GGT7: variants seen among roughly 807,000 people sequenced by gnomAD.
The protein encoded by GGT7 is gamma-glutamyltransferase 7.
In GGT7, 30 loss-of-function variants were observed where a neutral mutation model predicts 69.2. That is an observed-to-expected ratio of 0.43 (90% CI 0.32 to 0.59). The LOEUF (loss-of-function observed/expected upper bound fraction) is 0.59. GGT7 is among the 20% of genes least tolerant of loss of function. The pLI is 0.05. For missense variants in GGT7, 733 were observed against 901.1 expected, an observed-to-expected ratio of 0.81 and a Z score of 2.39; for synonymous variants, 388 against 391.8, an observed-to-expected ratio of 0.99 and a Z score of 0.12.
intron 1 of GGT7, among the ~76,000 whole-genome samples, chr20:34,869,712 A>T (rs1324444776): frequency 1.3e-5 from 2 of 152,180 alleles, no homozygotes; most frequent in Non-Finnish European, 2.9e-5. Context: ...TGAGAAGAAA[A>T]GGAGGAGTCC....
At chr20:34,862,785 G>C (rs754571446) in intron 3 of GGT7, 29 bp downstream of exon 3, 1 of 1,612,496 alleles carries the variant, frequency 6.2e-7, no homozygotes, top group Admixed American at 1.7e-5. Context: ...AAGTAGGCCT[G>C]GGGGACCCCG....
Position 34,860,271 on chromosome 20 carries a change from A to G in GGT7, c.726T>C (p.Ala242=), listed in dbSNP as rs746719350. ...VPGMVKGLHE[A]HQLYGRLPWS... is the part of the protein sequence containing the mutation. The stretch of plus-strand genomic sequence containing the variant: ...GTTGTTACCTGCCATAGAGCTGGTG[A>G]GCTTCATGTAGCCCCTTCACCATTC... Residue 242 remains alanine (A), a synonymous_variant, in exon 5 of 15, where the codon GCT becomes GCC. Transcript: ENST00000336431. The G allele has an allele frequency of 1.9e-6, 3 of 1,613,660 alleles. No individual in the cohort carries two copies. The highest frequency in any genetic ancestry group is 1.7e-6 in the Non-Finnish European group (2 of 1,179,666).
chr20:34,872,694 A>G lies in GGT7; in HGVS notation c.122T>C (p.Leu41Pro). Reference sequence around the variant, plus strand: ...GGCGTCCTCGTCCTTGCGGCCCCTCAGCGGGGCCGCGGGCGCCGGCTCGTC... The same window carrying G: ...GGCGTCCTCGTCCTTGCGGCCCCTCGGCGGGGCCGCGGGCGCCGGCTCGTC... ...PEDEPAPAAPLRGRKDEDAFL... is the reference protein window; with the variant it reads ...PEDEPAPAAPPRGRKDEDAFL... The change falls in exon 1 of 15, where the codon CTG (leucine) becomes CCG (proline). Residue 41 changes from leucine to proline, a missense_variant. Transcript: ENST00000336431. The G allele has an allele frequency of 6.7e-7, 1 of 1,482,176 alleles. No homozygotes were observed. Among genetic ancestry groups the G allele is most frequent in the South Asian group, 1.3e-5 (1 of 74,600 alleles). The allele number at this position is 1,482,176 out of a possible 1,614,324, so 91.8% of individuals were successfully genotyped here.
chr20:34,864,417 G>A (rs2079655249), intron 1 of GGT7, among the ~76,000 whole-genome samples: 2 of 152,002 alleles, frequency 1.3e-5, no homozygotes, highest in African/African-American at 4.8e-5. Flanking sequence ...GAGTAGTAAG[G>A]GTGGAAGCTA....
Position 34,845,413 on chromosome 20 carries a change from A to T in GGT7, c.1904T>A (p.Val635Asp), listed in dbSNP as rs1371190273. 2 of 1,614,104 alleles carry T rather than the reference A, an allele frequency of 1.2e-6. No homozygotes were observed. Reference sequence around the variant, plus strand: ...GTTGTTGGTCCTTCGGCTGCCATGGACCCAGGATAAGACATCTACTTTCTC... The same window carrying T: ...GTTGTTGGTCCTTCGGCTGCCATGGTCCCAGGATAAGACATCTACTTTCTC... ...HVEKVDVLSWVHGSRRTNNFI... is the reference protein window; with the variant it reads ...HVEKVDVLSWDHGSRRTNNFI... The change falls in exon 15 of 15, where the codon GTC becomes GAC. Residue 635 changes from valine to aspartate, a missense_variant. By Grantham distance (152) the Val-to-Asp change is radical. Coordinates refer to ENST00000336431, the MANE Select transcript of GGT7 (RefSeq NM_178026.3).
intron 4 of GGT7, 64 bp from the exon 5 acceptor site, chr20:34,860,385 GAACTC>G: frequency 8.2e-7 from 1 of 1,215,434 alleles, no homozygotes; most frequent in Non-Finnish European, 1.2e-6. Flanking sequence ...GTGCTGGGCT[GAACTC>G]CGCAGAGCCC....
Position 34,845,503 on chromosome 20 carries a change from C to G in GGT7, c.1826-12G>C, listed in dbSNP as rs45623531. 3 of 1,611,914 alleles carry G rather than the reference C, an allele frequency of 1.9e-6. No homozygotes were observed. The highest frequency in any genetic ancestry group is 1.7e-5 in the Admixed American group (1 of 59,954). ...CTCTGTGAACTCACCTGAAAACCATCCCCGACATATACACATTCAGAATGT... is the reference window on the plus strand; with the variant it reads ...CTCTGTGAACTCACCTGAAAACCATGCCCGACATATACACATTCAGAATGT... On this transcript the variant is annotated splice_polypyrimidine_tract_variant and intron_variant, in intron 14 of 14. Coordinates refer to ENST00000336431, the MANE Select transcript of GGT7 (RefSeq NM_178026.3).
At position 34,859,541 on chromosome 20, in the gene GGT7, G is replaced by A. The variant is rs759357274; in HGVS notation, c.916C>T (p.His306Tyr). The A allele has an allele frequency of 1.9e-6, 3 of 1,612,546 alleles. No individual in the cohort carries two copies. The East Asian group carries it at 6.7e-5, about 36-fold the overall frequency. Residue 306 changes from histidine to tyrosine, a missense_variant, in exon 7 of 15, where the codon CAT becomes TAT. His to Tyr is a moderately conservative substitution (Grantham distance 83). Transcript: ENST00000336431. ...GRPPLPGSLL[H>Y]RPDLAEVLDV... ...AGCACCTCAGCCAGGTCGGGCCGATGCAGCAACGAGCCAGGTAGTGGCGGG... is the reference window on the plus strand; with the variant it reads ...AGCACCTCAGCCAGGTCGGGCCGATACAGCAACGAGCCAGGTAGTGGCGGG...
At chr20:34,864,725 G>GA (rs368541649) in intron 1 of GGT7, among the ~76,000 whole-genome samples, 51,839 of 118,994 alleles carry the variant, frequency 0.44, 9,995 homozygotes, top group African/African-American at 0.49. Context: ...TGTCTCAAAA[G>GA]AAAAAAAAAA....
chr20:34,862,848 C>A lies in GGT7; in HGVS notation c.523G>T (p.Gly175Cys). Residue 175 changes from glycine to cysteine, a missense_variant, in exon 3 of 15, where the codon GGT becomes TGT. Physicochemically the swap from Gly to Cys is radical, Grantham distance 159. Transcript: ENST00000336431. ...DAAVAAALCLGIVAPHSSGLG... is the reference protein window; with the variant it reads ...DAAVAAALCLCIVAPHSSGLG... ...CCAGAACTGTGTGGAGCCACGATACCCAAACACAAGGCTGCTGCCACCGCT... is the reference window on the plus strand; with the variant it reads ...CCAGAACTGTGTGGAGCCACGATACACAAACACAAGGCTGCTGCCACCGCT... 4 of 1,614,048 alleles carry A rather than the reference C, an allele frequency of 2.5e-6. No homozygotes were observed. Among genetic ancestry groups the A allele is most frequent in the Non-Finnish European group, 3.4e-6 (4 of 1,180,000 alleles).
intron 3 of GGT7, 22 bp downstream of exon 3, chr20:34,862,792 C>T: frequency 6.2e-7 from 1 of 1,613,510 alleles, no homozygotes. Flanking sequence ...CCTGGGGGAC[C>T]CCGACCTCCA....
At chr20:34,848,287 T>C (rs2079330889) in intron 14 of GGT7, among the ~76,000 whole-genome samples, 1 of 152,122 alleles carries the variant, frequency 6.6e-6, no homozygotes, top group South Asian at 2.1e-4. Context: ...CCTAGGCTGT[T>C]CCTCCTGTCC....
intron 3 of GGT7, 87 bp downstream of exon 3, chr20:34,862,727 C>G: frequency 7.5e-7 from 1 of 1,341,260 alleles, no homozygotes; most frequent in Non-Finnish European, 1.1e-6. Context: ...AAGCCCCTCT[C>G]CCTAAGTTAG....
rs1407447974 is a variant in GGT7 at position 34,859,561 on chromosome 20, G to C, written c.896C>G (p.Pro299Arg). The change falls in exon 7 of 15, where the codon CCA (proline) becomes CGA (arginine). Residue 299 changes from proline to arginine, a missense_variant. Pro to Arg is a moderately radical substitution (Grantham distance 103). Transcript: ENST00000336431. ...CCGATGCAGCAACGAGCCAGGTAGT[G>C]GCGGGCGGCCCGATGGCAGGAACGT... The part of the protein sequence containing the change: ...RETFLPSGRP[P>R]LPGSLLHRPD... The C allele has an allele frequency of 1.2e-6, 2 of 1,605,584 alleles. No homozygotes were observed. The highest frequency in any genetic ancestry group is 2.2e-5 in the South Asian group (2 of 89,858).
Position 34,863,407 on chromosome 20 carries a change from T to C in GGT7, c.311A>G (p.Gln104Arg). The C allele has an allele frequency of 6.2e-7, 1 of 1,613,938 alleles. No homozygotes were observed. The highest frequency in any genetic ancestry group is 8.5e-7 in the Non-Finnish European group (1 of 1,180,010). Residue 104 changes from glutamine (Q) to arginine (R), a missense_variant, in exon 2 of 15, where the codon CAG becomes CGG. Transcript: ENST00000336431. The surrounding 1 kb of genome is among the most constrained non-coding windows in gnomAD (Gnocchi z 4.4). ...SAAAAECSCRQDGLTVIVTAC... is the reference protein window; with the variant it reads ...SAAAAECSCRRDGLTVIVTAC... ...CGTGACGATGACCGTGAGCCCATCC[T>C]GGCGGCAGGAGCACTCGGCCGCTGC...
chr20:34,856,780 A>C (rs2079499390), intron 8 of GGT7, 26 bp downstream of exon 8: 1 of 1,381,394 alleles, frequency 7.2e-7, no homozygotes, highest in Non-Finnish European at 1.0e-6. Flanking sequence ...CTGAGGGGGG[A>C]CCCTGGGAGC....
At chr20:34,872,623 A>T in intron 1 of GGT7, 24 bp downstream of exon 1, 1 of 1,430,160 alleles carries the variant, frequency 7.0e-7, no homozygotes, top group South Asian at 1.5e-5. Context: ...AAGGCAGGGC[A>T]GGGACGGGGT....
rs747319893 is a variant in GGT7 at position 34,852,563 on chromosome 20, G to A, written c.1320-25C>T. 5 of 1,554,518 alleles carry A rather than the reference G, an allele frequency of 3.2e-6. No homozygotes were observed. In the South Asian group the frequency reaches 6.0e-5, roughly 19 times the overall value. On this transcript the variant is annotated intron_variant, in intron 10 of 14. Transcript: ENST00000336431. The stretch of plus-strand genomic sequence containing the variant: ...GCTGAAAAGACAAGGGGTGGGAGAT[G>A]AGCAAACAACAGGCTCTCAATACAC...
intron 8 of GGT7, among the ~76,000 whole-genome samples, chr20:34,855,282 C>T (rs913045346): frequency 6.6e-6 from 1 of 152,170 alleles, no homozygotes; most frequent in Non-Finnish European, 1.5e-5. Context: ...CTCCTTTTAG[C>T]TCTCCCATAG....
Sources: allele counts gnomAD v4.1 joint callset (sites outside exome capture counted in the v4.1 genomes callset), GRCh38; gene constraint gnomAD v4.1.1; non-coding constraint Gnocchi (gnomAD v3.1); transcripts MANE v1.5; gene names NCBI Gene and HGNC (gene_info 2026-07-23, HGNC 2026-07-21).